The following LEKR1 variants were observed in gnomAD, a reference collection of about 807,000 sequenced individuals.
The protein encoded by LEKR1 is leucine, glutamate and lysine rich 1, also known as protein LEKR1.
Under a neutral mutation model 72.4 loss-of-function variants are expected in LEKR1, and 59 were observed. That is an observed-to-expected ratio of 0.82 (90% CI 0.66 to 1.01). LEKR1 has a LOEUF of 1.01. Ranked by LOEUF, LEKR1 falls within the 50% of genes least tolerant of loss-of-function variation. LEKR1 has a pLI of 0.00. For synonymous variants in LEKR1, 257 were observed against 263.2 expected, an observed-to-expected ratio of 0.98 and a Z score of 0.23; for missense variants, 728 against 759.2, an observed-to-expected ratio of 0.96 and a Z score of 0.48.
chr3:157,019,607 A>G (rs1733649305), intron 10 of LEKR1, among the ~76,000 whole-genome samples: 1 of 152,202 alleles, frequency 6.6e-6, no homozygotes, highest in South Asian at 2.1e-4. Context: ...TCTTATCAAA[A>G]TTACTATTAG....
intron 3 of LEKR1, among the ~76,000 whole-genome samples, chr3:156,892,787 A>C (rs1407201215): frequency 6.6e-6 from 1 of 152,208 alleles, no homozygotes; most frequent in African/African-American, 2.4e-5. Context: ...CAATCTTCTT[A>C]TTAACTGGAG....
At chr3:156,891,405 G>A (rs1263748505) in intron 3 of LEKR1, among the ~76,000 whole-genome samples, 1 of 152,166 alleles carries the variant, frequency 6.6e-6, no homozygotes, top group African/African-American at 2.4e-5. Context: ...GTTTCTAGGA[G>A]TGGAGGAATT....
intron 9 of LEKR1, among the ~76,000 whole-genome samples, chr3:157,007,528 T>TA (rs1428670587): frequency 6.6e-6 from 1 of 152,250 alleles, no homozygotes; most frequent in African/African-American, 2.4e-5. Flanking sequence ...TCAGGTGACT[T>TA]ACAGTGCACC....
chr3:156,914,822 T>G (rs939262815), intron 3 of LEKR1, among the ~76,000 whole-genome samples: 1 of 152,166 alleles, frequency 6.6e-6, no homozygotes, highest in Non-Finnish European at 1.5e-5. Flanking sequence ...TTGGGGTACA[T>G]GTACAGGTTT....
chr3:157,013,535 T>C (rs1450355086), intron 10 of LEKR1, among the ~76,000 whole-genome samples: 1 of 152,170 alleles, frequency 6.6e-6, no homozygotes. Flanking sequence ...TTCTAATGAA[T>C]TAATTATATT....
intron 10 of LEKR1, among the ~76,000 whole-genome samples, chr3:157,021,912 CT>C (rs1175438618): frequency 2.0e-5 from 3 of 151,888 alleles, no homozygotes; most frequent in African/African-American, 7.3e-5. Flanking sequence ...TGATTATTAA[CT>C]TTTATATTAA....
chr3:156,894,235 C>T lies in LEKR1; in HGVS notation c.264-26340C>T, dbSNP rs78951586. Among the ~76,000 whole-genome samples the T allele has an allele frequency of 3.8e-3, 581 of 152,238 alleles. 1 individual carries two copies. The highest frequency in any genetic ancestry group is 6.8e-3 in the Middle Eastern group (2 of 294). ...GATGGGGTACCTGTTATCCATTTGA[C>T]TTTCCTTCTTTTGCTGATACTTTCT... On this transcript the variant is annotated intron_variant, in intron 3 of 12. Coordinates refer to ENST00000356539, the MANE Select transcript of LEKR1 (RefSeq NM_001004316.3).
intron 6 of LEKR1, among the ~76,000 whole-genome samples, chr3:156,943,939 A>T (rs1016159063): frequency 3.0e-4 from 45 of 151,674 alleles, no homozygotes; most frequent in Admixed American, 2.7e-3. Context: ...TAGATTCTGG[A>T]AATTTTCTAT....
chr3:156,844,422 A>G (rs1036263265), intron 2 of LEKR1, among the ~76,000 whole-genome samples: 2 of 152,172 alleles, frequency 1.3e-5, no homozygotes, highest in Admixed American at 6.5e-5. Context: ...CATAACCAGG[A>G]TATTGACAAT....
chr3:156,961,362 CA>C (rs1728116567), intron 6 of LEKR1, among the ~76,000 whole-genome samples: 1 of 152,162 alleles, frequency 6.6e-6, no homozygotes, highest in Non-Finnish European at 1.5e-5. Flanking sequence ...TGACCATCAG[CA>C]AAGTCGAATT....
chr3:156,970,026 T>C (rs1173368133), intron 6 of LEKR1, among the ~76,000 whole-genome samples: 1 of 152,162 alleles, frequency 6.6e-6, no homozygotes, highest in Non-Finnish European at 1.5e-5. Flanking sequence ...AAAAACCATA[T>C]GATTATCTCA....
chr3:156,886,413 C>T (rs1356800406), intron 3 of LEKR1, among the ~76,000 whole-genome samples: 1 of 152,166 alleles, frequency 6.6e-6, no homozygotes, highest in Non-Finnish European at 1.5e-5. Context: ...GCCTCCTGGG[C>T]TCTCCTGCAC....
intron 5 of LEKR1, among the ~76,000 whole-genome samples, chr3:156,938,100 A>G (rs1278621558): frequency 6.6e-6 from 1 of 152,140 alleles, no homozygotes; most frequent in East Asian, 1.9e-4. Context: ...TTGTGTTGAT[A>G]TGTAATGAAG....
At chr3:156,967,164 C>A (rs62275832) in intron 6 of LEKR1, among the ~76,000 whole-genome samples, 4,815 of 152,138 alleles carry the variant, frequency 0.032, 117 homozygotes, top group Non-Finnish European at 0.047. Context: ...TAGGTAAAAC[C>A]ACAAAGATGG....
intron 3 of LEKR1, among the ~76,000 whole-genome samples, chr3:156,858,567 G>C (rs1716365711): frequency 6.6e-6 from 1 of 151,832 alleles, no homozygotes; most frequent in South Asian, 2.1e-4. Context: ...CCAGACACTT[G>C]GGAGGCTGAG....
At chr3:157,034,544 T>C (rs1734833110) in intron 12 of LEKR1, among the ~76,000 whole-genome samples, 1 of 152,194 alleles carries the variant, frequency 6.6e-6, no homozygotes, top group Admixed American at 6.5e-5. Context: ...AGTTACTTCT[T>C]ATAGATGAGC....
chr3:156,924,507 C>T, intron 4 of LEKR1: 1 of 685,090 alleles, frequency 1.5e-6, no homozygotes, highest in South Asian at 1.6e-5. Context: ...TGTGCTTTTG[C>T]TGATGTCTGT....
chr3:156,908,203 T>C (rs1292473999), intron 3 of LEKR1, among the ~76,000 whole-genome samples: 3 of 152,190 alleles, frequency 2.0e-5, no homozygotes, highest in African/African-American at 7.2e-5. Flanking sequence ...TGTATAGTTA[T>C]TATTTTTCCC....
chr3:157,006,019 G>A (rs973504495), intron 9 of LEKR1, among the ~76,000 whole-genome samples: 1 of 142,210 alleles, frequency 7.0e-6, no homozygotes, highest in African/African-American at 2.7e-5. Context: ...TTTTTTTTGA[G>A]ACGGAGTCTC....
Sources: allele counts gnomAD v4.1 joint callset (sites outside exome capture counted in the v4.1 genomes callset), GRCh38; gene constraint gnomAD v4.1.1; transcripts MANE v1.5; gene names NCBI Gene and HGNC (gene_info 2026-07-23, HGNC 2026-07-21).